Variants in ABLIM2 observed in about 807,000 individuals in gnomAD.
The protein encoded by ABLIM2 is actin-binding LIM protein 2.
A neutral mutation model predicts 97.7 loss-of-function variants in ABLIM2; 53 were observed. That is an observed-to-expected ratio of 0.54 (90% CI 0.44 to 0.68). ABLIM2 has a LOEUF of 0.68. ABLIM2 is among the 30% of genes least tolerant of loss of function. ABLIM2 has a pLI of 0.00. For synonymous variants in ABLIM2, 361 were observed against 345.8 expected, an observed-to-expected ratio of 1.04 and a Z score of -0.49; for missense variants, 835 against 867.2, an observed-to-expected ratio of 0.96 and a Z score of 0.47.
intron 11 of ABLIM2, 110 bp downstream of exon 11, chr4:8,029,546 T>C: frequency 8.0e-7 from 1 of 1,255,850 alleles, no homozygotes; most frequent in Non-Finnish European, 1.0e-6. Context: ...ATATTTCCAG[T>C]TGTATAAGAA....
chr4:8,067,202 A>G lies in ABLIM2; in HGVS notation c.676-6148T>C, dbSNP rs868094737. ...ATGGGCCATGGGGACAATCGGGGAC[A>G]TTTGTGGCTGAGCCCCTGCAGGTCC... On this transcript the variant is annotated intron_variant, in intron 6 of 20. Transcript: ENST00000447017. This position sits in a 1 kb window ranked among gnomAD's most constrained non-coding sequence, Gnocchi z 5.4. The G allele has an allele frequency of 6.6e-6, 1 of 152,250 alleles. No individual in the cohort carries two copies. The highest frequency in any genetic ancestry group is 1.5e-5 in the Non-Finnish European group (1 of 68,074). The allele number at this position is 152,250 out of a possible 1,614,324, so 9.4% of individuals were successfully genotyped here. A position where few individuals can be genotyped will look rare whatever the true frequency, so the allele number is the denominator to read the frequency against.
At chr4:8,143,891 G>T (rs1324277825) in intron 1 of ABLIM2, among the ~76,000 whole-genome samples, 5 of 152,194 alleles carry the variant, frequency 3.3e-5, no homozygotes, top group Non-Finnish European at 7.3e-5. Flanking sequence ...GCAGGCTGGG[G>T]GGTCTTCTGT....
At position 8,132,509 on chromosome 4, in the gene ABLIM2, C is replaced by A. The variant is rs543695868; in HGVS notation, c.11-25872G>T. Reference sequence around the variant, plus strand: ...GCCCTGGCCTTTCCTGAGCACTGGGCCCCCAGCTCCCTCTGAGTGCTGGAT... The same window carrying A: ...GCCCTGGCCTTTCCTGAGCACTGGGACCCCAGCTCCCTCTGAGTGCTGGAT... On this transcript the variant is annotated intron_variant, in intron 1 of 20. Coordinates refer to ENST00000447017, the MANE Select transcript of ABLIM2 (RefSeq NM_001130083.2). The surrounding 1 kb of genome is among the most constrained non-coding windows in gnomAD (Gnocchi z 8.0). Among the ~76,000 whole-genome samples, 13 of 152,152 alleles carry A rather than the reference C, an allele frequency of 8.5e-5. No individual in the cohort carries two copies. Among genetic ancestry groups the A allele is most frequent in the African/African-American group, 2.7e-4 (11 of 41,504 alleles).
chr4:7,974,036 T>C (rs778405545), intron 20 of ABLIM2, among the ~76,000 whole-genome samples: 3 of 152,204 alleles, frequency 2.0e-5, no homozygotes, highest in Non-Finnish European at 4.4e-5. Context: ...AAACCCAGCC[T>C]GGAATATCAA....
rs1812944705 is a variant in ABLIM2, at chr4:8,072,517, G to C, written c.675+5111C>G. 6.6e-6 allele frequency among the ~76,000 whole-genome samples: 1 copy of C among 152,238 alleles called. No homozygotes were observed. Among genetic ancestry groups the C allele is most frequent in the Non-Finnish European group, 1.5e-5 (1 of 68,032 alleles). On this transcript the variant is annotated intron_variant, in intron 6 of 20. Coordinates refer to ENST00000447017, the MANE Select transcript of ABLIM2 (RefSeq NM_001130083.2). This position sits in a 1 kb window ranked among gnomAD's most constrained non-coding sequence, Gnocchi z 5.8. Reference sequence around the variant, plus strand: ...GCAGCAGCAACAGCCGCAGCTGACTGCACCCAAGATACACCCCACTTTAGG... The same window carrying C: ...GCAGCAGCAACAGCCGCAGCTGACTCCACCCAAGATACACCCCACTTTAGG...
intron 8 of ABLIM2, among the ~76,000 whole-genome samples, chr4:8,045,996 G>C (rs1421829070): frequency 6.6e-6 from 1 of 152,086 alleles, no homozygotes; most frequent in Non-Finnish European, 1.5e-5. Context: ...GCCTTTCTCA[G>C]CTCAAAGAGC....
chr4:8,113,786 A>G lies in ABLIM2; in HGVS notation c.11-7149T>C, dbSNP rs1477373490. Among the ~76,000 whole-genome samples the G allele has an allele frequency of 1.3e-5, 2 of 152,232 alleles. No homozygotes were observed. Among genetic ancestry groups the G allele is most frequent in the Non-Finnish European group, 2.9e-5 (2 of 68,028 alleles). On this transcript the variant is annotated intron_variant, in intron 1 of 20. Coordinates refer to ENST00000447017, the MANE Select transcript of ABLIM2 (RefSeq NM_001130083.2). The surrounding 1 kb of genome is among the most constrained non-coding windows in gnomAD (Gnocchi z 4.5). ...ATAATATTCAGTTTTCTAAGCCTAC[A>G]CACGCACACATGAACTCCAGAGGTC...
intron 17 of ABLIM2, among the ~76,000 whole-genome samples, chr4:7,985,769 C>T (rs1560425985): frequency 6.6e-6 from 1 of 152,156 alleles, no homozygotes; most frequent in Non-Finnish European, 1.5e-5. Context: ...TCTCAGGTGC[C>T]CGTGGCATTC....
chr4:8,010,830 G>A (rs1366170364), intron 14 of ABLIM2: 1 of 154,160 alleles, frequency 6.5e-6, no homozygotes, highest in Non-Finnish European at 1.4e-5. Flanking sequence ...TCACCCGGCA[G>A]CGGAGCCCTT....
chr4:8,052,216 G>C (rs773509001), intron 8 of ABLIM2, among the ~76,000 whole-genome samples: 2 of 152,196 alleles, frequency 1.3e-5, no homozygotes, highest in Admixed American at 6.5e-5. Flanking sequence ...GCCACAGTGT[G>C]GTCTGGTGGC....
chr4:8,057,090 C>A (rs983759800), intron 7 of ABLIM2, among the ~76,000 whole-genome samples: 2 of 143,162 alleles, frequency 1.4e-5, no homozygotes, highest in Non-Finnish European at 1.5e-5. Context: ...CTTTTCTTTT[C>A]TTTCTTTCTT....
chr4:7,995,401 T>C (rs1036706464), intron 16 of ABLIM2, among the ~76,000 whole-genome samples: 1 of 152,204 alleles, frequency 6.6e-6, no homozygotes, highest in Non-Finnish European at 1.5e-5. Context: ...CAAGGCCACA[T>C]GTCTGTAGCA....
In ABLIM2 at chr4:8,019,423, C is replaced by G. The variant is rs960667098; in HGVS notation, c.1423+195G>C. Among the ~76,000 whole-genome samples, 7 of 152,140 alleles carry G rather than the reference C, an allele frequency of 4.6e-5. No individual in the cohort carries two copies. The highest frequency in any genetic ancestry group is 1.0e-4 in the Non-Finnish European group (7 of 68,028). On this transcript the variant is annotated intron_variant, in intron 14 of 20. Transcript: ENST00000447017. The surrounding 1 kb of genome is among the most constrained non-coding windows in gnomAD (Gnocchi z 4.3). ...ACAGAAGTTCCTTACTCAGACATACCCTTCATCGTAATTTATCAGAACAGG... is the reference window on the plus strand; with the variant it reads ...ACAGAAGTTCCTTACTCAGACATACGCTTCATCGTAATTTATCAGAACAGG...
rs1033181433 is a variant in ABLIM2 at position 8,132,655 on chromosome 4, C to T, written c.11-26018G>A. Among the ~76,000 whole-genome samples, 11 of 152,212 alleles carry T rather than the reference C, an allele frequency of 7.2e-5. No individual in the cohort carries two copies. The highest frequency in any genetic ancestry group is 1.5e-4 in the Non-Finnish European group (10 of 68,034). On this transcript the variant is annotated intron_variant, in intron 1 of 20. Transcript: ENST00000447017. The surrounding 1 kb of genome is among the most constrained non-coding windows in gnomAD (Gnocchi z 8.0). Reference sequence around the variant, plus strand: ...CAGCAATGCTGCACATCATGAAGCACGGCCCCTACCCCGCTGTCTTCCCTC... The same window carrying T: ...CAGCAATGCTGCACATCATGAAGCATGGCCCCTACCCCGCTGTCTTCCCTC...
intron 16 of ABLIM2, among the ~76,000 whole-genome samples, chr4:7,994,584 C>CGCAACAA (rs1283882613): frequency 4.1e-5 from 3 of 73,224 alleles, no homozygotes; most frequent in African/African-American, 1.2e-4. Flanking sequence ...TTTATAGCAG[C>CGCAACAA]ATGATTTATA....
Position 8,075,562 on chromosome 4 carries a change from G to C in ABLIM2, c.675+2066C>G, listed in dbSNP as rs954976469. Among the ~76,000 whole-genome samples the C allele has an allele frequency of 1.3e-5, 2 of 152,034 alleles. No individual in the cohort carries two copies. Among genetic ancestry groups the C allele is most frequent in the Non-Finnish European group, 2.9e-5 (2 of 68,004 alleles). ...ACAAAAATTAGCCAGGTGTGGTGGCGCACACCTGTAGTCCCAGCTGGTCGG... is the reference window on the plus strand; with the variant it reads ...ACAAAAATTAGCCAGGTGTGGTGGCCCACACCTGTAGTCCCAGCTGGTCGG... On this transcript the variant is annotated intron_variant, in intron 6 of 20. Transcript: ENST00000447017. This position sits in a 1 kb window ranked among gnomAD's most constrained non-coding sequence, Gnocchi z 4.4.
At chr4:8,099,084 G>A (rs543380581) in intron 2 of ABLIM2, among the ~76,000 whole-genome samples, 1 of 152,366 alleles carries the variant, frequency 6.6e-6, no homozygotes, top group African/African-American at 2.4e-5. Context: ...TCAGCCCTGG[G>A]CCAGGGTGCC....
In ABLIM2 at chr4:8,061,121, C is replaced by G; in HGVS notation, c.676-67G>C. ...GAAAGGTCGGCTGGGTCCCAGCGCC[C>G]GGCATGGATACAGCATGCCCTGAGC... On this transcript the variant is annotated intron_variant, in intron 6 of 20. Coordinates refer to ENST00000447017, the MANE Select transcript of ABLIM2 (RefSeq NM_001130083.2). The surrounding 1 kb of genome is among the most constrained non-coding windows in gnomAD (Gnocchi z 4.5). 1 of 1,372,110 alleles carries G rather than the reference C, an allele frequency of 7.3e-7. No homozygotes were observed. The highest frequency in any genetic ancestry group is 1.0e-6 in the Non-Finnish European group (1 of 987,954). The allele number at this position is 1,372,110 out of a possible 1,614,324, so 85.0% of individuals were successfully genotyped here.
At chr4:8,116,982 G>A (rs187561563) in intron 1 of ABLIM2, among the ~76,000 whole-genome samples, 59 of 152,334 alleles carry the variant, frequency 3.9e-4, no homozygotes, top group Non-Finnish European at 7.6e-4. Context: ...AGTAGGAGAG[G>A]GGACTCAGTG....
Sources: allele counts gnomAD v4.1 joint callset (sites outside exome capture counted in the v4.1 genomes callset), GRCh38; gene constraint gnomAD v4.1.1; non-coding constraint Gnocchi (gnomAD v3.1); transcripts MANE v1.5; gene names NCBI Gene and HGNC (gene_info 2026-07-23, HGNC 2026-07-21).